Variants in AUTS2 observed in about 807,000 individuals in gnomAD.
The protein encoded by AUTS2 is activator of transcription and developmental regulator AUTS2, also known as autism susceptibility gene 2 protein.
A neutral mutation model predicts 112.4 loss-of-function variants in AUTS2; 17 were observed. The ratio of observed to expected loss-of-function variants is 0.15; its 90% CI spans 0.10 to 0.23. AUTS2 has a LOEUF of 0.23. Ranked by LOEUF, AUTS2 falls within the 10% of genes least tolerant of loss-of-function variation. AUTS2 has a pLI of 1.00. For synonymous variants in AUTS2, 751 were observed against 702.7 expected (o/e 1.07, Z -1.09); for missense variants, 1,510 against 1,701.6 (o/e 0.89, Z 1.98).
intron 1 of AUTS2, among the ~76,000 whole-genome samples, chr7:69,601,345 C>G (rs1002517982): frequency 4.6e-5 from 7 of 152,010 alleles, no homozygotes; most frequent in Admixed American, 4.6e-4. Context: ...CAGATGCAAG[C>G]TTTGTTAATG....
intron 5 of AUTS2, among the ~76,000 whole-genome samples, chr7:70,698,305 ATAGAAATATGT>A (rs1351337984): frequency 2.0e-5 from 3 of 152,232 alleles, no homozygotes; most frequent in Non-Finnish European, 2.9e-5. Context: ...GTATCATCTC[ATAGAAATATGT>A]TTTGCACAGA....
At chr7:70,124,957 ATTAG>A (rs1805886262) in intron 3 of AUTS2, among the ~76,000 whole-genome samples, 1 of 152,178 alleles carries the variant, frequency 6.6e-6, no homozygotes. Context: ...AAAATTCCAT[ATTAG>A]TTCTTATTAT....
chr7:69,837,462 G>A (rs146239614), intron 1 of AUTS2, among the ~76,000 whole-genome samples: 3 of 152,120 alleles, frequency 2.0e-5, no homozygotes, highest in East Asian at 3.9e-4. Flanking sequence ...TACTCAGGGG[G>A]CCCAAAATGA....
intron 4 of AUTS2, among the ~76,000 whole-genome samples, chr7:70,245,496 G>C (rs1812876670): frequency 6.6e-6 from 1 of 152,104 alleles, no homozygotes; most frequent in African/African-American, 2.4e-5. Flanking sequence ...TGTACATTCT[G>C]TAGATGGAAT....
intron 6 of AUTS2, among the ~76,000 whole-genome samples, chr7:70,760,605 C>G (rs560142776): frequency 6.6e-6 from 1 of 152,350 alleles, no homozygotes; most frequent in Non-Finnish European, 1.5e-5. Flanking sequence ...CATGGAGAGA[C>G]ACAGAGCTGG....
intron 1 of AUTS2, among the ~76,000 whole-genome samples, chr7:69,683,626 A>G (rs1034283401): frequency 2.0e-5 from 3 of 151,922 alleles, no homozygotes; most frequent in African/African-American, 7.3e-5. Flanking sequence ...ACTGGGCGCA[A>G]TGGCTCACAC....
chr7:70,017,735 A>G lies in AUTS2; in HGVS notation c.523-100397A>G, dbSNP rs139053825. Among the ~76,000 whole-genome samples, 58 of 152,194 alleles carry G rather than the reference A, an allele frequency of 3.8e-4. No individual in the cohort carries two copies. In the East Asian group the frequency reaches 6.6e-3, roughly 17 times the overall value. On this transcript the variant is annotated intron_variant, in intron 2 of 18. Transcript: ENST00000342771. ...CATCACTGCGAAATGCTCACAGGAA[A>G]GTAGTTGTTAGAATTAAAATCAGAA...
At chr7:70,193,142 A>G (rs1211239945) in intron 4 of AUTS2, among the ~76,000 whole-genome samples, 3 of 152,204 alleles carry the variant, frequency 2.0e-5, no homozygotes, top group African/African-American at 7.2e-5. Context: ...GGCTGTGTCT[A>G]GAGGTTCTGT....
chr7:70,384,875 C>T (rs758898283), intron 4 of AUTS2, among the ~76,000 whole-genome samples: 62 of 152,222 alleles, frequency 4.1e-4, no homozygotes, highest in Non-Finnish European at 4.9e-4. Flanking sequence ...GTCCTTGAAC[C>T]GAGTGTGAAG....
intron 2 of AUTS2, among the ~76,000 whole-genome samples, chr7:69,945,723 C>T (rs1161922763): frequency 6.6e-6 from 1 of 152,070 alleles, no homozygotes; most frequent in Non-Finnish European, 1.5e-5. Context: ...CGTGACTGTA[C>T]ATTAGATCTT....
intron 2 of AUTS2, among the ~76,000 whole-genome samples, chr7:70,114,887 C>G (rs974973725): frequency 6.6e-6 from 1 of 152,078 alleles, no homozygotes; most frequent in African/African-American, 2.4e-5. Context: ...AGCTTTAGTA[C>G]TTACTGTAGT....
At chr7:69,686,909 A>G (rs1410688172) in intron 1 of AUTS2, among the ~76,000 whole-genome samples, 1 of 152,214 alleles carries the variant, frequency 6.6e-6, no homozygotes, top group Non-Finnish European at 1.5e-5. Context: ...TGAACCATAT[A>G]CATATTTTGT....
intron 2 of AUTS2, among the ~76,000 whole-genome samples, chr7:70,091,302 T>A (rs1803908806): frequency 6.6e-6 from 1 of 152,214 alleles, no homozygotes; most frequent in South Asian, 2.1e-4. Flanking sequence ...GGTGTACTTT[T>A]CTTTATGTTT....
At chr7:70,507,367 CA>C (rs1363925189) in intron 5 of AUTS2, among the ~76,000 whole-genome samples, 1 of 151,066 alleles carries the variant, frequency 6.6e-6, no homozygotes, top group African/African-American at 2.4e-5. Context: ...CACATCTCTA[CA>C]AAAATTTTTA....
chr7:69,735,324 T>C (rs1786982130), intron 1 of AUTS2, among the ~76,000 whole-genome samples: 1 of 152,122 alleles, frequency 6.6e-6, no homozygotes, highest in Admixed American at 6.6e-5. Context: ...CCTTGTACTG[T>C]TTTCAGACAG....
intron 5 of AUTS2, among the ~76,000 whole-genome samples, chr7:70,491,218 A>ACT (rs1435264023): frequency 2.0e-5 from 3 of 151,204 alleles, no homozygotes; most frequent in African/African-American, 4.9e-5. Context: ...TCATTATCAC[A>ACT]CACTCTCTCT....
At chr7:70,501,189 A>G (rs573110493) in intron 5 of AUTS2, among the ~76,000 whole-genome samples, 7 of 152,340 alleles carry the variant, frequency 4.6e-5, no homozygotes, top group South Asian at 4.1e-4. Context: ...AAGCATATCA[A>G]TAAGTAAAAA....
chr7:70,163,360 A>AGGGGGGGGGGGG (rs1562753323), intron 4 of AUTS2, among the ~76,000 whole-genome samples: 4 of 2,464 alleles, frequency 1.6e-3, no homozygotes, highest in Non-Finnish European at 2.2e-3. Flanking sequence ...GGGGGGGGGC[A>AGGGGGGGGGGGG]GAGGGGGAGG....
intron 2 of AUTS2, among the ~76,000 whole-genome samples, chr7:69,942,739 C>T (rs1277666021): frequency 6.6e-6 from 1 of 152,178 alleles, no homozygotes; most frequent in Non-Finnish European, 1.5e-5. Flanking sequence ...CTGGTGATTT[C>T]TGCATGATTT....
Sources: gnomAD v4.1 joint callset for allele counts (sites outside exome capture counted in the v4.1 genomes callset) on GRCh38, gnomAD v4.1.1 for gene constraint, MANE v1.5 for transcripts, NCBI Gene and HGNC (gene_info 2026-07-23, HGNC 2026-07-21) for gene names.